Variants in TRPM3 observed in about 807,000 individuals in gnomAD.
The protein encoded by TRPM3 is transient receptor potential cation channel subfamily M member 3, also known as long transient receptor potential channel 3.
A neutral mutation model predicts 181.2 loss-of-function variants in TRPM3; 77 were observed. The observed-to-expected ratio is 0.42, with a 90% CI of 0.35 to 0.51. The LOEUF (loss-of-function observed/expected upper bound fraction) is 0.51. Ranked by LOEUF, TRPM3 falls within the 20% of genes least tolerant of loss-of-function variation. TRPM3 has a pLI of 0.01. For missense variants in TRPM3, 1,759 were observed against 2,196.7 expected (o/e 0.80, Z 3.98); for synonymous variants, 745 against 796.4 (o/e 0.94, Z 1.09).
At chr9:70,922,119 G>A (rs912944324) in intron 1 of TRPM3, among the ~76,000 whole-genome samples, 2 of 152,156 alleles carry the variant, frequency 1.3e-5, no homozygotes, top group African/African-American at 4.8e-5. Flanking sequence ...GGATTTGACA[G>A]CTGACAAGAA....
chr9:70,908,630 T>A (rs1055277045), intron 1 of TRPM3, among the ~76,000 whole-genome samples: 2 of 152,210 alleles, frequency 1.3e-5, no homozygotes, highest in Non-Finnish European at 2.9e-5. Context: ...TCATCTAGAT[T>A]CAATGTAATT....
intron 6 of TRPM3, among the ~76,000 whole-genome samples, chr9:70,802,487 A>C (rs1306994610): frequency 1.3e-5 from 2 of 152,220 alleles, no homozygotes; most frequent in Non-Finnish European, 2.9e-5. Context: ...CACTAGTTGT[A>C]GTTTGTTCAC....
At chr9:70,834,364 A>G (rs2094158837) in intron 5 of TRPM3, among the ~76,000 whole-genome samples, 1 of 152,122 alleles carries the variant, frequency 6.6e-6, no homozygotes, top group South Asian at 2.1e-4. Context: ...CCTGAGGGGA[A>G]CCCTTTACCA....
At chr9:70,683,924 G>A (rs965261659) in intron 8 of TRPM3, among the ~76,000 whole-genome samples, 7 of 152,158 alleles carry the variant, frequency 4.6e-5, no homozygotes, top group South Asian at 2.1e-4. Flanking sequence ...AACTCTTTAC[G>A]CCAGGGCTGG....
At chr9:70,590,887 T>C in intron 22 of TRPM3, 144 bp downstream of exon 22, 1 of 1,029,766 alleles carries the variant, frequency 9.7e-7, no homozygotes, top group Non-Finnish European at 1.4e-6. Context: ...TCTGTAATTT[T>C]TGTTTCCTCC....
chr9:70,689,897 C>T (rs1441545689), intron 8 of TRPM3, among the ~76,000 whole-genome samples: 1 of 152,100 alleles, frequency 6.6e-6, no homozygotes, highest in African/African-American at 2.4e-5. Context: ...GAGTTAGTCA[C>T]AGACTTTCCA....
chr9:71,183,504 T>G (rs1041661635), intron 1 of TRPM3, among the ~76,000 whole-genome samples: 1 of 152,176 alleles, frequency 6.6e-6, no homozygotes, highest in Non-Finnish European at 1.5e-5. Context: ...CAAATCACCC[T>G]GACAACAGTC....
intron 1 of TRPM3, among the ~76,000 whole-genome samples, chr9:71,205,072 G>A (rs1486584263): frequency 6.6e-6 from 1 of 151,950 alleles, no homozygotes; most frequent in Admixed American, 6.6e-5. Context: ...GTGGGGTGGG[G>A]GGAGCAGGGA....
intron 1 of TRPM3, among the ~76,000 whole-genome samples, chr9:71,344,338 C>A (rs1176305850): frequency 2.0e-5 from 3 of 152,002 alleles, no homozygotes; most frequent in Non-Finnish European, 2.9e-5. Flanking sequence ...GTAATCCCAG[C>A]TACTCGGGAG....
chr9:70,897,725 T>A (rs938086820), intron 1 of TRPM3, among the ~76,000 whole-genome samples: 25 of 152,118 alleles, frequency 1.6e-4, no homozygotes, highest in Admixed American at 2.6e-4. Flanking sequence ...CTTGAAAGAT[T>A]AAAGAAACAA....
chr9:70,573,972 T>TCACACACACACACACA (rs59193514), intron 22 of TRPM3, among the ~76,000 whole-genome samples: 15 of 141,038 alleles, frequency 1.1e-4, no homozygotes, highest in African/African-American at 2.4e-4. Flanking sequence ...GCAATTCATT[T>TCACACACACACACACA]CACACACACA....
chr9:70,965,082 A>G (rs2133859427), intron 1 of TRPM3, among the ~76,000 whole-genome samples: 1 of 152,096 alleles, frequency 6.6e-6, no homozygotes, highest in East Asian at 1.9e-4. Context: ...CTTCTCCCAG[A>G]ATAGCTACAG....
rs149321257 is a variant in TRPM3, at chr9:70,608,452, G to C, written c.2667+2157C>G. On this transcript the variant is annotated intron_variant, in intron 19 of 25. Transcript: ENST00000677713. ...GCCATGGGTTGAATTTGGCTCAAAA[G>C]CTGTAGTTTGCCAAGCCCTGTTCTA... Among the ~76,000 whole-genome samples the C allele has an allele frequency of 1.9e-3, 290 of 152,294 alleles. 1 individual carries two copies. Among genetic ancestry groups the C allele is most frequent in the African/African-American group, 6.7e-3 (278 of 41,566 alleles).
chr9:71,255,414 A>G (rs541465496), intron 1 of TRPM3, among the ~76,000 whole-genome samples: 272 of 152,296 alleles, frequency 1.8e-3, no homozygotes, highest in African/African-American at 6.3e-3. Context: ...TTGGCTGGCC[A>G]GGCATCCCAC....
chr9:70,915,458 C>T (rs935309845), intron 1 of TRPM3, among the ~76,000 whole-genome samples: 83 of 151,098 alleles, frequency 5.5e-4, no homozygotes, highest in African/African-American at 1.7e-3. Flanking sequence ...CCACCATGCC[C>T]GGCTAATTTT....
intron 1 of TRPM3, among the ~76,000 whole-genome samples, chr9:71,225,625 G>GT (rs1414984374): frequency 6.6e-6 from 1 of 152,090 alleles, no homozygotes; most frequent in Non-Finnish European, 1.5e-5. Context: ...CATATCTTAA[G>GT]TAAAAAGATG....
intron 1 of TRPM3, among the ~76,000 whole-genome samples, chr9:71,240,941 T>A (rs1375096260): frequency 6.6e-6 from 1 of 152,214 alleles, no homozygotes; most frequent in Non-Finnish European, 1.5e-5. Flanking sequence ...TCCTACTATG[T>A]AGATTGTGCT....
intron 1 of TRPM3, among the ~76,000 whole-genome samples, chr9:71,065,877 G>A (rs370772429): frequency 1.4e-4 from 21 of 152,252 alleles, no homozygotes; most frequent in Middle Eastern, 3.4e-3. Context: ...CATTTCTAGA[G>A]ACTGATATGC....
At chr9:70,862,811 T>C in intron 3 of TRPM3, 97 bp downstream of exon 3, 1 of 1,244,834 alleles carries the variant, frequency 8.0e-7, no homozygotes, top group East Asian at 2.3e-5. Flanking sequence ...GAGTGGAGAT[T>C]AGGCCCAAAG....
Sources: allele counts gnomAD v4.1 joint callset (sites outside exome capture counted in the v4.1 genomes callset), GRCh38; gene constraint gnomAD v4.1.1; transcripts MANE v1.5; gene names NCBI Gene and HGNC (gene_info 2026-07-23, HGNC 2026-07-21).